The following MEGF6 variants were observed in gnomAD, a reference collection of about 807,000 sequenced individuals.
The protein encoded by MEGF6 is multiple epidermal growth factor-like domains protein 6.
Under a neutral mutation model 207.1 loss-of-function variants are expected in MEGF6, and 184 were observed. That is an observed-to-expected ratio of 0.89 (90% CI 0.79 to 1.00). The LOEUF is 1.00. Among genes scored for constraint, MEGF6 ranks in the 50% least tolerant of loss-of-function variants. The pLI is 0.00. For missense variants in MEGF6, 2,282 were observed against 2,202.9 expected (o/e 1.04, Z -0.72); for synonymous variants, 1,038 against 910.0 (o/e 1.14, Z -2.53).
chr1:3,499,109 C>T lies in MEGF6; in HGVS notation c.3094+29G>A, dbSNP rs564866234. 2.3e-4 allele frequency: 364 copies of T among 1,596,524 alleles called. 1 individual carries two copies. Among genetic ancestry groups the T allele is most frequent in the Non-Finnish European group, 2.9e-4 (342 of 1,173,266 alleles). On this transcript the variant is annotated intron_variant, in intron 24 of 36. Transcript: ENST00000356575. ...AGCACCCTCGCTCAGGCCTGGACCC[C>T]GGTCCCTGGACTCCTAGATGTGGCT...
Position 3,509,913 on chromosome 1 carries a change from G to A in MEGF6, c.1314C>T (p.Cys438=), listed in dbSNP as rs373898058. ...TNLAGSFQCS[C]EAGYRLHEDR... ...CCTCGTGCAGCCGGTAGCCGGCCTC[G>A]CAGGAGCACTGGAAGGAGCCGGCCA... is the stretch of plus-strand genomic sequence containing the variant. The change falls in exon 11 of 37, where the codon TGC becomes TGT. Residue 438 remains cysteine, a synonymous_variant. Transcript: ENST00000356575. The A allele has an allele frequency of 5.3e-5, 83 of 1,565,484 alleles. No individual in the cohort carries two copies. In the African/African-American group the frequency reaches 9.2e-4, roughly 17 times the overall value.
chr1:3,501,129 G>A (rs1160822009), intron 19 of MEGF6, 35 bp from the exon 20 acceptor site: 1 of 1,612,626 alleles, frequency 6.2e-7, no homozygotes, highest in Non-Finnish European at 8.5e-7. Flanking sequence ...GTGGGGCCTG[G>A]CCACCTACCC....
intron 32 of MEGF6, 21 bp from the exon 33 acceptor site, chr1:3,494,145 C>A: frequency 6.5e-7 from 1 of 1,539,082 alleles, no homozygotes; most frequent in Non-Finnish European, 8.7e-7. Context: ...CCGGTTACCA[C>A]GAGACAAGGG....
In MEGF6 at chr1:3,505,492, C is replaced by T. The variant is rs377104156; in HGVS notation, c.1983G>A (p.Thr661=). 169 of 1,607,942 alleles carry T rather than the reference C, an allele frequency of 1.1e-4. 1 individual carries two copies. The highest frequency in any genetic ancestry group is 7.7e-4 in the South Asian group (70 of 90,340). The stretch of plus-strand genomic sequence containing the variant: ...TGCCATCCCTCTTGTCACAGGACTG[C>T]GTGTGGGGCTGCACACACTGGCACT... ...SEECQCVQPH[T]QSCDKRDGSC... Residue 661 remains threonine (T), a synonymous_variant, in exon 16 of 37, where the codon ACG becomes ACA. Transcript: ENST00000356575.
chr1:3,593,982 G>A (rs1389203645), intron 3 of MEGF6, among the ~76,000 whole-genome samples: 1 of 152,154 alleles, frequency 6.6e-6, no homozygotes, highest in African/African-American at 2.4e-5. Flanking sequence ...GGGCCAGGAC[G>A]GGCAACTTCA....
At chr1:3,609,363 G>A (rs763370342) in intron 1 of MEGF6, among the ~76,000 whole-genome samples, 9 of 152,226 alleles carry the variant, frequency 5.9e-5, no homozygotes, top group African/African-American at 1.7e-4. Context: ...GGCCCACTGC[G>A]GCCTGGCTGC....
intron 16 of MEGF6, 24 bp downstream of exon 16, chr1:3,505,398 C>CCA (rs1553192363): frequency 6.3e-7 from 1 of 1,576,456 alleles, no homozygotes. Flanking sequence ...GCCCCCCGCC[C>CCA]CCAGACCCCA....
chr1:3,506,001 G>A, intron 15 of MEGF6, 107 bp downstream of exon 15: 1 of 1,420,148 alleles, frequency 7.0e-7, no homozygotes, highest in Non-Finnish European at 9.4e-7. Flanking sequence ...TGACCTGGCT[G>A]GGCCCCGATA....
At chr1:3,577,372 C>T (rs1348329064) in intron 4 of MEGF6, among the ~76,000 whole-genome samples, 2 of 152,244 alleles carry the variant, frequency 1.3e-5, no homozygotes, top group African/African-American at 2.4e-5. Context: ...AGGCTTGTCC[C>T]TGCACCAGGT....
At position 3,565,376 on chromosome 1, in the gene MEGF6, G is replaced by T. The variant is rs565837470; in HGVS notation, c.481+14449C>A. 2.4e-4 allele frequency among the ~76,000 whole-genome samples: 37 copies of T among 151,862 alleles called. No homozygotes were observed. Among genetic ancestry groups the T allele is most frequent in the Admixed American group, 7.2e-4 (11 of 15,292 alleles). On this transcript the variant is annotated intron_variant, in intron 4 of 36. Coordinates refer to ENST00000356575, the MANE Select transcript of MEGF6 (RefSeq NM_001409.4). The surrounding 1 kb of genome is among the most constrained non-coding windows in gnomAD (Gnocchi z 4.8). ...CCTAGCTGGACCTTAAAACCCCCCG[G>T]GTCCTGGTGCCTGCTCTGGCCTCTC...
Position 3,512,124 on chromosome 1 carries a change from C to T in MEGF6, c.858G>A (p.Val286=), listed in dbSNP as rs1241305181. 6.2e-6 allele frequency: 10 copies of T among 1,605,720 alleles called. No individual in the cohort carries two copies. The highest frequency in any genetic ancestry group is 8.5e-6 in the Non-Finnish European group (10 of 1,174,944). ...LAADGKACED[V]DECAAGLAQC... ...GGGCCAGCCCTGCGGCACATTCGTC[C>T]ACATCTGGAGGGGAGAGACCACAGG... The change falls in exon 8 of 37, where the codon GTG becomes GTA. Residue 286 remains valine, a synonymous_variant. Transcript: ENST00000356575.
At chr1:3,495,799 G>C (rs965624468) in intron 30 of MEGF6, 91 bp downstream of exon 30, 2 of 1,480,126 alleles carry the variant, frequency 1.4e-6, no homozygotes, top group African/African-American at 2.8e-5. Context: ...CGGGTGTCTG[G>C]GCTGGGCCCA....
At chr1:3,605,225 A>T (rs1359838448) in intron 1 of MEGF6, among the ~76,000 whole-genome samples, 1 of 151,482 alleles carries the variant, frequency 6.6e-6, no homozygotes, top group Non-Finnish European at 1.5e-5. Context: ...CTTTACATGG[A>T]CTCGAACACA....
rs1446021163 is a variant in MEGF6, at chr1:3,490,521, G to GC, written c.*6dup. 6.2e-7 allele frequency: 1 copy of GC among 1,612,572 alleles called. No homozygotes were observed. Among genetic ancestry groups the GC allele is most frequent in the African/African-American group, 1.3e-5 (1 of 74,944 alleles). On this transcript the variant is annotated 3_prime_UTR_variant, in exon 37 of 37. Transcript: ENST00000356575. ...CTGGAGAGGCGGGCTCCACGGGACT[G>GC]CCTCTACTAGTGCCTCGCTGGTCCA...
chr1:3,510,896 TCGA>T lies in MEGF6; in HGVS notation c.1118_1120del (p.Val373del), dbSNP rs777451425. ...GCAGCACGGGCTGTCTGCACAGTCG[TCGA>T]CATCTGTGGAGCACACGCCACGGGC... On this transcript the variant is annotated inframe_deletion, in exon 10 of 37. Transcript: ENST00000356575. 1.4e-5 allele frequency: 22 copies of T among 1,604,608 alleles called. No homozygotes were observed. The highest frequency in any genetic ancestry group is 1.1e-5 in the South Asian group (1 of 90,800).
intron 17 of MEGF6, 75 bp downstream of exon 17, chr1:3,505,133 G>GCCTA: frequency 6.4e-7 from 1 of 1,564,846 alleles, no homozygotes; most frequent in Non-Finnish European, 8.6e-7. Flanking sequence ...CCCTTCTGAA[G>GCCTA]CCTACCCTCC....
intron 16 of MEGF6, 26 bp downstream of exon 16, chr1:3,505,396 C>G (rs1557728315): frequency 6.9e-6 from 11 of 1,600,176 alleles, no homozygotes; most frequent in Non-Finnish European, 9.4e-6. Context: ...GCGCCCCCCG[C>G]CCCCAGACCC....
the MEGF6 span, among the ~76,000 whole-genome samples, chr1:3,622,087 C>T: frequency 6.6e-6 from 1 of 152,112 alleles, no homozygotes; most frequent in Non-Finnish European, 1.5e-5. Flanking sequence ...CTTTGGGGGA[C>T]TGTTGGGAGG....
intron 4 of MEGF6, among the ~76,000 whole-genome samples, chr1:3,561,129 C>CACGGCAGG (rs1643187763): frequency 6.6e-6 from 1 of 152,182 alleles, no homozygotes; most frequent in South Asian, 2.1e-4. Context: ...GGGGAGGCGG[C>CACGGCAGG]ACGGCAGGTC....
Sources: gnomAD v4.1 joint callset for allele counts (sites outside exome capture counted in the v4.1 genomes callset) on GRCh38, gnomAD v4.1.1 for gene constraint, Gnocchi (gnomAD v3.1) non-coding constraint, MANE v1.5 for transcripts, NCBI Gene and HGNC (gene_info 2026-07-23, HGNC 2026-07-21) for gene names.